LVRN: variants seen among roughly 807,000 people sequenced by gnomAD.
LVRN encodes aminopeptidase Q.
In LVRN, 99 loss-of-function variants were observed where a neutral mutation model predicts 111.4. The ratio of observed to expected loss-of-function variants is 0.89; its 90% CI spans 0.76 to 1.05. The LOEUF is 1.05. Ranked by LOEUF, LVRN falls within the 50% of genes least tolerant of loss-of-function variation. The probability of loss-of-function intolerance (pLI) is 0.00; values close to 1 mark genes in which losing one functional copy is unlikely to be tolerated. For missense variants in LVRN, 1,414 were observed against 1,206.8 expected, an observed-to-expected ratio of 1.17 and a Z score of -2.54; for synonymous variants, 488 against 449.5, an observed-to-expected ratio of 1.09 and a Z score of -1.08.
Position 115,983,430 on chromosome 5 carries a change from G to C in LVRN, c.838+1G>C. On this transcript the variant is annotated splice_donor_variant, in intron 2 of 19. Transcript: ENST00000357872. LOFTEE classifies it high-confidence loss of function. ...GCCCTTTCCAACATGCCAAAGCTAG[G>C]TAAGTAATGCTTTCTGTCTATATCT... 6.3e-7 allele frequency: 1 copy of C among 1,594,998 alleles called. No individual in the cohort carries two copies. Among genetic ancestry groups the C allele is most frequent in the Non-Finnish European group, 8.5e-7 (1 of 1,173,922 alleles).
chr5:116,022,283 C>A, intron 18 of LVRN, 108 bp from the exon 19 acceptor site: 1 of 724,518 alleles, frequency 1.4e-6, no homozygotes, highest in Non-Finnish European at 2.4e-6. Context: ...AGATTTGTGA[C>A]ATAGGAATTA....
rs572033211 is a variant in LVRN, at chr5:115,999,220, G to T, written c.1375-542G>T. Among the ~76,000 whole-genome samples the T allele has an allele frequency of 2.0e-5, 3 of 152,208 alleles. No homozygotes were observed. The East Asian group carries it at 5.8e-4, about 29-fold the overall frequency. Reference sequence around the variant, plus strand: ...AGCTAGTCTTTTAAAGAGTCCTATGGTTTTTATTAAAATATAATAAATTGC... The same window carrying T: ...AGCTAGTCTTTTAAAGAGTCCTATGTTTTTTATTAAAATATAATAAATTGC... On this transcript the variant is annotated intron_variant, in intron 6 of 19. Coordinates refer to ENST00000357872, the MANE Select transcript of LVRN (RefSeq NM_173800.5).
At chr5:116,003,727 G>C (rs1020670888) in intron 12 of LVRN, among the ~76,000 whole-genome samples, 4 of 151,840 alleles carry the variant, frequency 2.6e-5, no homozygotes, top group Admixed American at 1.3e-4. Flanking sequence ...GACTACAGGC[G>C]CCTGCCACCA....
intron 6 of LVRN, among the ~76,000 whole-genome samples, chr5:115,997,968 C>T (rs1246512707): frequency 1.3e-5 from 2 of 152,072 alleles, no homozygotes; most frequent in Admixed American, 1.3e-4. Context: ...TTACATAAAA[C>T]CTTATACCAG....
At chr5:116,024,466 T>C (rs1318623042) in intron 19 of LVRN, among the ~76,000 whole-genome samples, 1 of 152,152 alleles carries the variant, frequency 6.6e-6, no homozygotes, top group Admixed American at 6.5e-5. Context: ...AGAAATTCTC[T>C]TTTTTTGAGT....
At chr5:115,987,539 A>T (rs949799090) in intron 3 of LVRN, among the ~76,000 whole-genome samples, 1 of 152,178 alleles carries the variant, frequency 6.6e-6, no homozygotes, top group South Asian at 2.1e-4. Flanking sequence ...AGATGCTGGT[A>T]CAACCCATTC....
Position 116,026,230 on chromosome 5 carries a change from G to C in LVRN, c.*112G>C. 6.8e-7 allele frequency: 1 copy of C among 1,461,506 alleles called. No individual in the cohort carries two copies. Among genetic ancestry groups the C allele is most frequent in the Non-Finnish European group, 9.3e-7 (1 of 1,072,928 alleles). 90.5% of individuals were successfully genotyped at this position (1,461,506 alleles called of 1,614,324 possible). ...AACCACACATTTTATTTGTATTTCAGTCACATTTATTACTCAGAGTGCCAT... is the reference window on the plus strand; with the variant it reads ...AACCACACATTTTATTTGTATTTCACTCACATTTATTACTCAGAGTGCCAT... On this transcript the variant is annotated 3_prime_UTR_variant, in exon 20 of 20. Coordinates refer to ENST00000357872, the MANE Select transcript of LVRN (RefSeq NM_173800.5).
intron 6 of LVRN, among the ~76,000 whole-genome samples, chr5:115,997,131 A>T (rs1279525141): frequency 6.6e-6 from 1 of 152,150 alleles, no homozygotes; most frequent in Admixed American, 6.5e-5. Flanking sequence ...TTGGAACATC[A>T]TGAAAATTAA....
chr5:115,997,001 A>G (rs558149431), intron 6 of LVRN, among the ~76,000 whole-genome samples: 1 of 152,322 alleles, frequency 6.6e-6, no homozygotes, highest in East Asian at 1.9e-4. Context: ...AAATAGAATT[A>G]TTTATATTAT....
chr5:116,012,770 A>G (rs1295976101), intron 15 of LVRN, among the ~76,000 whole-genome samples: 1 of 152,248 alleles, frequency 6.6e-6, no homozygotes, highest in Non-Finnish European at 1.5e-5. Context: ...GTGAAGATGT[A>G]CTAAGCAAAG....
intron 1 of LVRN, among the ~76,000 whole-genome samples, chr5:115,978,276 G>T (rs957172173): frequency 6.6e-6 from 1 of 152,142 alleles, no homozygotes; most frequent in Non-Finnish European, 1.5e-5. Flanking sequence ...TCCTATAAAG[G>T]TGTCAAACCC....
Position 115,962,501 on chromosome 5 carries a change from A to C in LVRN, c.-117A>C, listed in dbSNP as rs2112540429. 1.1e-6 allele frequency: 1 copy of C among 918,438 alleles called. No individual in the cohort carries two copies. Among genetic ancestry groups the C allele is most frequent in the Non-Finnish European group, 1.7e-6 (1 of 597,978 alleles). 56.9% of individuals were successfully genotyped at this position (918,438 alleles called of 1,614,324 possible). On this transcript the variant is annotated 5_prime_UTR_variant, in exon 1 of 20. Coordinates refer to ENST00000357872, the MANE Select transcript of LVRN (RefSeq NM_173800.5). Reference sequence around the variant, plus strand: ...GTCCGTCCAGGCTCTTCCAGGAGGAAGAGGCACGATACAAGAGAGGAGGGG... The same window carrying C: ...GTCCGTCCAGGCTCTTCCAGGAGGACGAGGCACGATACAAGAGAGGAGGGG...
rs1458284264 is a variant in LVRN, at chr5:116,000,581, C to A, written c.1582-12C>A. 5.6e-6 allele frequency: 9 copies of A among 1,613,658 alleles called. No individual in the cohort carries two copies. The highest frequency in any genetic ancestry group is 2.2e-5 in the South Asian group (2 of 91,068). On this transcript the variant is annotated splice_polypyrimidine_tract_variant and intron_variant, in intron 8 of 19. Transcript: ENST00000357872. ...GCTATTTATTTTAACCTTAACTTTT[C>A]TATTTTTACAGTCATATTTGAAGAC...
At chr5:116,001,029 A>G in intron 9 of LVRN, 38 bp from the exon 10 acceptor site, 1 of 1,559,018 alleles carries the variant, frequency 6.4e-7, no homozygotes, top group Non-Finnish European at 8.6e-7. Flanking sequence ...TGTTTCACGG[A>G]TAACCTTACC....
intron 10 of LVRN, 137 bp from the exon 11 acceptor site, chr5:116,002,698 C>T: frequency 1.7e-6 from 1 of 597,816 alleles, no homozygotes; most frequent in Non-Finnish European, 2.8e-6. Flanking sequence ...ATCCTAAGAG[C>T]AAAGGCCTGC....
In LVRN at chr5:115,962,571, G is replaced by T. The variant is rs1388765934; in HGVS notation, c.-47G>T. The T allele has an allele frequency of 6.5e-7, 1 of 1,546,386 alleles. No homozygotes were observed. Among genetic ancestry groups the T allele is most frequent in the South Asian group, 1.2e-5 (1 of 85,696 alleles). ...CACCCTGGCCGGGGTTTTGACAGCT[G>T]CCACAGTCTCTGAGCTCCAGCCTCG... On this transcript the variant is annotated 5_prime_UTR_variant, in exon 1 of 20. Coordinates refer to ENST00000357872, the MANE Select transcript of LVRN (RefSeq NM_173800.5).
intron 1 of LVRN, among the ~76,000 whole-genome samples, chr5:115,976,688 G>C (rs1753456218): frequency 6.6e-6 from 1 of 151,876 alleles, no homozygotes; most frequent in South Asian, 2.1e-4. Context: ...TTTTATCTTT[G>C]ACTCCTGTGT....
intron 4 of LVRN, among the ~76,000 whole-genome samples, chr5:115,988,679 C>T (rs1482634905): frequency 6.6e-6 from 1 of 152,098 alleles, no homozygotes; most frequent in Non-Finnish European, 1.5e-5. Flanking sequence ...GGAGCTTGAG[C>T]CTTCTGAACC....
rs149460330 is a variant in LVRN at position 115,962,806 on chromosome 5, G to C, written c.189G>C (p.Arg63Ser). The stretch of plus-strand genomic sequence containing the variant: ...AAGCCGAGTCTTCCCCTCCCCTCAG[G>C]CAGAAGCCGACGCCAACCCCGAAAC... ...DLEAESSPPLRQKPTPTPKPS... is the reference protein window; with the variant it reads ...DLEAESSPPLSQKPTPTPKPS... The change falls in exon 1 of 20, where the codon AGG (arginine) becomes AGC (serine). Residue 63 changes from arginine to serine, a missense_variant. Coordinates refer to ENST00000357872, the MANE Select transcript of LVRN (RefSeq NM_173800.5). 1.4e-3 allele frequency: 2,302 copies of C among 1,611,968 alleles called. 61 individuals carry two copies. In the East Asian group the frequency reaches 0.039, roughly 28 times the overall value.
Sources: gnomAD v4.1 joint callset for allele counts (sites outside exome capture counted in the v4.1 genomes callset) on GRCh38, gnomAD v4.1.1 for gene constraint, MANE v1.5 for transcripts, NCBI Gene and HGNC (gene_info 2026-07-23, HGNC 2026-07-21) for gene names.